Variants in ZMYM6 observed in about 807,000 individuals in gnomAD.
ZMYM6 encodes zinc finger MYM-type protein 6.
In ZMYM6, 90 loss-of-function variants were observed where a neutral mutation model predicts 134.0. The observed-to-expected ratio is 0.67, with a 90% CI of 0.57 to 0.80. ZMYM6 has a LOEUF of 0.80. Ranked by LOEUF, ZMYM6 falls within the 30% of genes least tolerant of loss-of-function variation. The pLI is 0.00. For missense variants in ZMYM6, 1,362 were observed against 1,533.9 expected (o/e 0.89, Z 1.87); for synonymous variants, 481 against 524.1 (o/e 0.92, Z 1.12).
chr1:35,030,963 T>C (rs1407994993), intron 1 of ZMYM6, among the ~76,000 whole-genome samples: 1 of 152,200 alleles, frequency 6.6e-6, no homozygotes, highest in Non-Finnish European at 1.5e-5. Context: ...TTTTTTCCTA[T>C]GTTGAAGGTT....
rs761832728 is a variant in ZMYM6 at position 35,010,464 on chromosome 1, T to G, written c.1475A>C (p.Lys492Thr). The change falls in exon 10 of 16, where the codon AAG (lysine) becomes ACG (threonine). Residue 492 changes from lysine to threonine, a missense_variant. By Grantham distance (78) the Lys-to-Thr change is moderately conservative. This residue lies in a region of ZMYM6 where 35 missense variants were observed against 72.2 expected (regional missense o/e 0.48). Coordinates refer to ENST00000357182, the MANE Select transcript of ZMYM6 (RefSeq NM_007167.4). ...KETVRFSGVDKPFCSEVCKFL... is the reference protein window; with the variant it reads ...KETVRFSGVDTPFCSEVCKFL... Reference sequence around the variant, plus strand: ...GTCTTTACCTTCACTACAGAATGGCTTATCAACCCCTGAGAATCGCACAGT... The same window carrying G: ...GTCTTTACCTTCACTACAGAATGGCGTATCAACCCCTGAGAATCGCACAGT... 10 of 1,612,610 alleles carry G rather than the reference T, an allele frequency of 6.2e-6. No homozygotes were observed. Among genetic ancestry groups the G allele is most frequent in the Middle Eastern group, 1.6e-4 (1 of 6,074 alleles).
intron 2 of ZMYM6, among the ~76,000 whole-genome samples, chr1:35,021,912 C>T (rs572587646): frequency 1.6e-4 from 25 of 152,034 alleles, no homozygotes; most frequent in African/African-American, 6.0e-4. Context: ...GTTAAAATAC[C>T]CTTACATATT....
At chr1:35,010,335 A>C in intron 10 of ZMYM6, 112 bp downstream of exon 10, 1 of 1,394,646 alleles carries the variant, frequency 7.2e-7, no homozygotes, top group Non-Finnish European at 9.7e-7. Flanking sequence ...AAATACTTCT[A>C]ATTACACCTT....
chr1:35,003,298 G>A lies in ZMYM6; in HGVS notation c.1992+670C>T, dbSNP rs138282808. Among the ~76,000 whole-genome samples the A allele has an allele frequency of 4.7e-3, 722 of 152,048 alleles. 1 individual carries two copies. The highest frequency in any genetic ancestry group is 0.024 in the Middle Eastern group (7 of 292). On this transcript the variant is annotated intron_variant, in intron 14 of 15. Coordinates refer to ENST00000357182, the MANE Select transcript of ZMYM6 (RefSeq NM_007167.4). The stretch of plus-strand genomic sequence containing the variant: ...GGGAATTTTGTTTTCCTGCTAAAGT[G>A]ATGCTGATACAGGGCAACAATGCCA...
chr1:34,999,411 C>A (rs755615876), intron 14 of ZMYM6, among the ~76,000 whole-genome samples: 7 of 151,888 alleles, frequency 4.6e-5, no homozygotes, highest in Non-Finnish European at 7.4e-5. Flanking sequence ...AGGAGTTTTT[C>A]CATAAAGAGA....
At chr1:35,026,862 A>T (rs1641423379) in intron 2 of ZMYM6, among the ~76,000 whole-genome samples, 1 of 152,210 alleles carries the variant, frequency 6.6e-6, no homozygotes, top group African/African-American at 2.4e-5. Context: ...ATTCAGGTCA[A>T]TAAGACCAAT....
At chr1:35,003,737 T>C (rs1366587846) in intron 14 of ZMYM6, 1 of 454,492 alleles carries the variant, frequency 2.2e-6, no homozygotes, top group East Asian at 4.4e-5. Context: ...AGCTTGCCAC[T>C]ATGAACAGCA....
chr1:34,990,475 T>C (rs1192652036), intron 15 of ZMYM6, among the ~76,000 whole-genome samples: 1 of 152,002 alleles, frequency 6.6e-6, no homozygotes, highest in African/African-American at 2.4e-5. Flanking sequence ...AGAGATAGAC[T>C]CTGTCTCAAA....
chr1:34,987,794 C>A lies in ZMYM6; in HGVS notation c.3288G>T (p.Lys1096Asn). 6.4e-7 allele frequency: 1 copy of A among 1,551,362 alleles called. No individual in the cohort carries two copies. Among genetic ancestry groups the A allele is most frequent in the Non-Finnish European group, 8.7e-7 (1 of 1,146,926 alleles). The change falls in exon 16 of 16, where the codon AAG (lysine) becomes AAT (asparagine). Residue 1096 changes from lysine to asparagine, a missense_variant. By Grantham distance (94) the Lys-to-Asn change is moderately conservative (BLOSUM62 0). Around this residue, in one of 3 missense-constraint regions of ZMYM6, gnomAD observed 824 missense variants for 940.9 expected, o/e 0.88. Coordinates refer to ENST00000357182, the MANE Select transcript of ZMYM6 (RefSeq NM_007167.4). ...RHEIEIFLSQKHSDLAKYFHD... is the reference protein window; with the variant it reads ...RHEIEIFLSQNHSDLAKYFHD... ...GAAAATACTTGGCCAAATCTGAATGCTTTTGACTTAAAAATATTTCAATCT... is the reference window on the plus strand; with the variant it reads ...GAAAATACTTGGCCAAATCTGAATGATTTTGACTTAAAAATATTTCAATCT...
intron 14 of ZMYM6, 186 bp downstream of exon 14, chr1:35,003,782 G>A (rs1219748056): frequency 1.8e-6 from 1 of 547,836 alleles, no homozygotes; most frequent in Non-Finnish European, 3.3e-6. Flanking sequence ...AACAGTAATT[G>A]CTGCCGAAAT....
At chr1:35,021,320 T>C (rs1446131018) in intron 2 of ZMYM6, among the ~76,000 whole-genome samples, 1 of 151,992 alleles carries the variant, frequency 6.6e-6, no homozygotes, top group African/African-American at 2.4e-5. Context: ...TTTGTGTTTT[T>C]TTCCAGTAGA....
At chr1:34,993,010 C>G (rs944339667) in intron 14 of ZMYM6, among the ~76,000 whole-genome samples, 6 of 149,162 alleles carry the variant, frequency 4.0e-5, no homozygotes, top group South Asian at 2.1e-4. Context: ...AGACCATACA[C>G]AAAAATATAT....
chr1:34,995,006 C>CATATATACTTACGTATATATATGTAAT (rs1640751873), intron 14 of ZMYM6, among the ~76,000 whole-genome samples: 1 of 132,602 alleles, frequency 7.5e-6, no homozygotes, highest in African/African-American at 3.1e-5. Context: ...TATATGTATA[C>CATATATACTTACGTATATATATGTAAT]ATATATACTT....
intron 4 of ZMYM6, among the ~76,000 whole-genome samples, chr1:35,017,089 G>A (rs1641215525): frequency 6.6e-6 from 1 of 152,024 alleles, no homozygotes; most frequent in South Asian, 2.1e-4. Context: ...TGAATGAGAG[G>A]TTAAATAGCT....
At chr1:34,991,601 C>G (rs1396758050) in intron 15 of ZMYM6, among the ~76,000 whole-genome samples, 1 of 152,072 alleles carries the variant, frequency 6.6e-6, no homozygotes, top group Non-Finnish European at 1.5e-5. Flanking sequence ...GAAACCCCGT[C>G]TCTACTAAAA....
intron 14 of ZMYM6, among the ~76,000 whole-genome samples, chr1:34,997,605 C>G (rs1279568770): frequency 1.3e-5 from 2 of 152,134 alleles, no homozygotes; most frequent in African/African-American, 4.8e-5. Context: ...GCACCTGGCC[C>G]ATAGAAGCTC....
intron 2 of ZMYM6, chr1:35,030,264 T>C: frequency 3.7e-6 from 1 of 268,198 alleles, no homozygotes; most frequent in South Asian, 7.5e-5. Context: ...ACCCCGTCTC[T>C]ACCAAAAATA....
At chr1:34,997,990 A>G (rs567120960) in intron 14 of ZMYM6, among the ~76,000 whole-genome samples, 31 of 152,196 alleles carry the variant, frequency 2.0e-4, no homozygotes, top group African/African-American at 6.3e-4. Flanking sequence ...CATTTTAAAT[A>G]TATGTTTGGG....
At chr1:35,010,247 C>G (rs527344962) in intron 10 of ZMYM6, among the ~76,000 whole-genome samples, 200 bp downstream of exon 10, 3 of 151,880 alleles carry the variant, frequency 2.0e-5, no homozygotes, top group Middle Eastern at 6.8e-3. Flanking sequence ...TCTTGAACTC[C>G]CAACCTCAAG....
Sources: gnomAD v4.1 joint callset for allele counts (sites outside exome capture counted in the v4.1 genomes callset) on GRCh38, gnomAD v4.1.1 for gene constraint, gnomAD v4.1.1 regional missense constraint, MANE v1.5 for transcripts, NCBI Gene and HGNC (gene_info 2026-07-23, HGNC 2026-07-21) for gene names.